The following GALNT13 variants were observed in gnomAD, a reference collection of about 807,000 sequenced individuals.
The protein encoded by GALNT13 is polypeptide N-acetylgalactosaminyltransferase 13.
In GALNT13, 28 loss-of-function variants were observed where a neutral mutation model predicts 64.2. The observed-to-expected ratio is 0.44, with a 90% CI of 0.32 to 0.60. The LOEUF is 0.60. Among genes scored for constraint, GALNT13 ranks in the 20% least tolerant of loss-of-function variants. The probability of loss-of-function intolerance (pLI) is 0.05; values close to 1 mark genes in which losing one functional copy is unlikely to be tolerated. For synonymous variants in GALNT13, 214 were observed against 224.6 expected (o/e 0.95, Z 0.42); for missense variants, 577 against 669.8 (o/e 0.86, Z 1.53).
At chr2:154,077,676 G>T (rs2105405131) in intron 3 of GALNT13, among the ~76,000 whole-genome samples, 1 of 151,478 alleles carries the variant, frequency 6.6e-6, no homozygotes, top group African/African-American at 2.4e-5. Flanking sequence ...AAACACACAA[G>T]AATTTATACA....
the GALNT13 span, among the ~76,000 whole-genome samples, chr2:153,475,319 T>G: frequency 1.3e-5 from 2 of 152,238 alleles, no homozygotes; most frequent in South Asian, 4.1e-4. Context: ...GCATAGATCA[T>G]AGATTACAAA....
At chr2:153,969,179 T>C (rs1693579618) in intron 3 of GALNT13, among the ~76,000 whole-genome samples, 1 of 152,086 alleles carries the variant, frequency 6.6e-6, no homozygotes, top group Admixed American at 6.5e-5. Context: ...ATGATCTCAC[T>C]TCCTCCATTT....
intron 10 of GALNT13, among the ~76,000 whole-genome samples, chr2:154,398,640 T>C (rs993412): frequency 0.44 from 67,208 of 152,040 alleles, 15,804 homozygotes; most frequent in East Asian, 0.62. Flanking sequence ...TTCCAGCCCC[T>C]GAAGTCAAGC....
At chr2:153,459,556 TG>T in the GALNT13 span, among the ~76,000 whole-genome samples, 1 of 152,168 alleles carries the variant, frequency 6.6e-6, no homozygotes, top group African/African-American at 2.4e-5. Context: ...GGGTCAATAT[TG>T]ACAGAGCAAA....
the GALNT13 span, among the ~76,000 whole-genome samples, chr2:153,561,843 A>C: frequency 6.6e-6 from 1 of 152,100 alleles, no homozygotes; most frequent in African/African-American, 2.4e-5. Flanking sequence ...TATTTAAAAA[A>C]TTTCTATTTG....
chr2:153,375,560 G>C, the GALNT13 span, among the ~76,000 whole-genome samples: 2 of 152,038 alleles, frequency 1.3e-5, no homozygotes, highest in Non-Finnish European at 2.9e-5. Flanking sequence ...GTTTTTATTT[G>C]CATATACAAA....
the GALNT13 span, among the ~76,000 whole-genome samples, chr2:153,722,645 A>G: frequency 6.6e-6 from 1 of 152,194 alleles, no homozygotes; most frequent in Admixed American, 6.5e-5. Flanking sequence ...CCACAGAAAT[A>G]CAAACTATCA....
chr2:154,128,180 C>T (rs1682404691), intron 3 of GALNT13, among the ~76,000 whole-genome samples: 1 of 151,998 alleles, frequency 6.6e-6, no homozygotes, highest in South Asian at 2.1e-4. Context: ...GGTAATTTAG[C>T]TTTGTGTTGA....
At chr2:154,341,898 T>C (rs1226844064) in intron 9 of GALNT13, among the ~76,000 whole-genome samples, 4 of 152,088 alleles carry the variant, frequency 2.6e-5, no homozygotes, top group Admixed American at 6.6e-5. Flanking sequence ...GTATTCGAGA[T>C]ATATTTCCCA....
chr2:153,501,766 G>C, the GALNT13 span, among the ~76,000 whole-genome samples: 4 of 152,218 alleles, frequency 2.6e-5, no homozygotes, highest in Admixed American at 1.3e-4. Flanking sequence ...CTTTTTTTAA[G>C]AAAAACAAGA....
the GALNT13 span, among the ~76,000 whole-genome samples, chr2:153,388,402 G>A: frequency 1.3e-5 from 2 of 152,030 alleles, no homozygotes; most frequent in Non-Finnish European, 2.9e-5. Flanking sequence ...CTCATGAGAC[G>A]ACTTCCCTCA....
At chr2:153,322,259 A>G in the GALNT13 span, among the ~76,000 whole-genome samples, 1 of 151,972 alleles carries the variant, frequency 6.6e-6, no homozygotes, top group African/African-American at 2.4e-5. Context: ...TGAGAACATG[A>G]AGTATTTGGT....
At chr2:154,072,339 C>T (rs890048858) in intron 3 of GALNT13, among the ~76,000 whole-genome samples, 13 of 151,954 alleles carry the variant, frequency 8.6e-5, no homozygotes, top group Admixed American at 3.9e-4. Flanking sequence ...GCATATTCTG[C>T]GGATAGGAGG....
the GALNT13 span, among the ~76,000 whole-genome samples, chr2:153,112,734 T>G: frequency 1.3e-5 from 2 of 152,242 alleles, no homozygotes; most frequent in Admixed American, 1.3e-4. Flanking sequence ...ACTTGAAGTA[T>G]TAACTTCCCC....
chr2:154,060,148 G>T (rs1700099182), intron 3 of GALNT13, among the ~76,000 whole-genome samples: 2 of 152,254 alleles, frequency 1.3e-5, no homozygotes, highest in South Asian at 4.1e-4. Context: ...GAAGATGGCT[G>T]CCACTAGGAA....
intron 9 of GALNT13, among the ~76,000 whole-genome samples, chr2:154,367,266 C>G (rs1697422075): frequency 1.3e-5 from 2 of 152,158 alleles, no homozygotes; most frequent in Non-Finnish European, 1.5e-5. Flanking sequence ...GATCCCTTAT[C>G]TATGTGGAAA....
chr2:153,077,675 G>A, the GALNT13 span, among the ~76,000 whole-genome samples: 1 of 151,966 alleles, frequency 6.6e-6, no homozygotes, highest in Non-Finnish European at 1.5e-5. Context: ...CTTAGGTTTG[G>A]AATTGTGTTA....
At chr2:154,034,511 G>A (rs1004404582) in intron 3 of GALNT13, among the ~76,000 whole-genome samples, 3 of 152,078 alleles carry the variant, frequency 2.0e-5, no homozygotes, top group African/African-American at 7.2e-5. Context: ...GGTAAAGTCT[G>A]AGCTTTTAGT....
chr2:153,382,031 C>A, the GALNT13 span, among the ~76,000 whole-genome samples: 27 of 152,070 alleles, frequency 1.8e-4, no homozygotes, highest in Non-Finnish European at 3.7e-4. Context: ...AGCAGTTAAT[C>A]TAGAAACAGG....
Sources: gnomAD v4.1 joint callset for allele counts (sites outside exome capture counted in the v4.1 genomes callset) on GRCh38, gnomAD v4.1.1 for gene constraint, MANE v1.5 for transcripts, NCBI Gene and HGNC (gene_info 2026-07-23, HGNC 2026-07-21) for gene names.